The following ANAPC11 variants were observed in gnomAD, a reference collection of about 807,000 sequenced individuals.
ANAPC11 encodes anaphase promoting complex subunit 11, also known as anaphase-promoting complex subunit 11.
ANAPC11 carries 5 observed loss-of-function variants against 11.8 expected under a neutral mutation model. The observed-to-expected ratio is 0.42, with a 90% CI of 0.22 to 0.89. The LOEUF (loss-of-function observed/expected upper bound fraction) is 0.89, where lower values mean the gene tolerates loss of function less well. Among genes scored for constraint, ANAPC11 ranks in the 40% least tolerant of loss-of-function variants. ANAPC11 has a pLI of 0.28. For synonymous variants in ANAPC11, 45 were observed against 41.0 expected, an observed-to-expected ratio of 1.10 and a Z score of -0.38; for missense variants, 68 against 112.9, an observed-to-expected ratio of 0.60 and a Z score of 1.80.
chr17:81,891,325 T>G (rs1259868198), upstream of ANAPC11: 2 of 1,151,776 alleles, frequency 1.7e-6, no homozygotes, highest in East Asian at 4.8e-5. Context: ...GCACTCACCC[T>G]GCTGTAGGGC....
chr17:81,892,901 A>G (rs1598295776), intron 1 of ANAPC11, among the ~76,000 whole-genome samples: 2 of 152,182 alleles, frequency 1.3e-5, no homozygotes, highest in African/African-American at 4.8e-5. Context: ...TCCGTCACCC[A>G]GAGTGGAGTG....
intron 3 of ANAPC11, chr17:81,899,414 C>T (rs1262258359): frequency 3.7e-6 from 6 of 1,613,990 alleles, no homozygotes; most frequent in Non-Finnish European, 5.1e-6. Context: ...CCCCAGACCC[C>T]ACCCCTCCTG....
At chr17:81,898,039 G>C (rs1036903204) in intron 3 of ANAPC11, 1 of 152,208 alleles carries the variant, frequency 6.6e-6, no homozygotes, top group Non-Finnish European at 1.5e-5. Context: ...GGAAATTATT[G>C]ATTGACTCTA....
At chr17:81,899,289 C>T in intron 3 of ANAPC11, 1 of 1,613,012 alleles carries the variant, frequency 6.2e-7, no homozygotes, top group South Asian at 1.1e-5. Flanking sequence ...CTGGTGCCCG[C>T]AGCCTGTGCC....
At chr17:81,890,851 T>C, upstream of ANAPC11, 1 of 1,613,812 alleles carries the variant, frequency 6.2e-7, no homozygotes, top group Non-Finnish European at 8.5e-7. Flanking sequence ...AGAGCAGATC[T>C]GTGAGTCTCA....
chr17:81,894,654 C>A, intron 3 of ANAPC11, 68 bp downstream of exon 3: 1 of 1,012,340 alleles, frequency 9.9e-7, no homozygotes, highest in Non-Finnish European at 1.5e-6. Flanking sequence ...TGTCTGCTGC[C>A]TGCTGGACTA....
In ANAPC11 at chr17:81,895,452, T is replaced by A. The variant is rs575275715; in HGVS notation, c.109+866T>A. Among the ~76,000 whole-genome samples the A allele has an allele frequency of 1.4e-3, 213 of 152,354 alleles. 1 individual carries two copies. The highest frequency in any genetic ancestry group is 3.7e-3 in the South Asian group (18 of 4,830). On this transcript the variant is annotated intron_variant, in intron 3 of 3. Transcript: ENST00000344877. The stretch of plus-strand genomic sequence containing the variant: ...AGATCCTGTCACAGACTCCATAGGA[T>A]GAAACTCAGCTGTGAAATACGTGGG...
chr17:81,898,528 TAGTG>T (rs1410959207), intron 3 of ANAPC11: 2 of 152,230 alleles, frequency 1.3e-5, no homozygotes, highest in Admixed American at 6.5e-5. Flanking sequence ...GGTTAAGTCA[TAGTG>T]AGTCAGTGTT....
chr17:81,892,433 C>T (rs1049968409), intron 1 of ANAPC11, among the ~76,000 whole-genome samples: 7 of 151,706 alleles, frequency 4.6e-5, no homozygotes, highest in Non-Finnish European at 8.8e-5. Context: ...GGCACCACTG[C>T]ACTCCAGCCT....
chr17:81,891,599 C>A, upstream of ANAPC11: 2 of 1,394,026 alleles, frequency 1.4e-6, no homozygotes, highest in South Asian at 1.3e-5. Context: ...GCCCGCGCGT[C>A]AGCACGCCGG....
intron 3 of ANAPC11, among the ~76,000 whole-genome samples, chr17:81,896,001 A>C (rs1240330884): frequency 6.6e-6 from 1 of 151,980 alleles, no homozygotes; most frequent in Non-Finnish European, 1.5e-5. Context: ...TGAATGGCAT[A>C]GGCCAGGCGC....
intron 3 of ANAPC11, chr17:81,899,368 C>T (rs1161162068): frequency 6.2e-7 from 1 of 1,613,770 alleles, no homozygotes; most frequent in Non-Finnish European, 8.5e-7. Context: ...GGGCAGCACA[C>T]CGGATCCCTG....
intron 3 of ANAPC11, chr17:81,898,134 T>C (rs1265996227): frequency 6.6e-6 from 1 of 152,278 alleles, no homozygotes; most frequent in Non-Finnish European, 1.5e-5. Context: ...TTTAAATTGC[T>C]CTTAAGGATG....
chr17:81,891,637 C>T (rs1025145989), upstream of ANAPC11: 2 of 1,315,780 alleles, frequency 1.5e-6, no homozygotes, highest in Admixed American at 3.5e-5. Context: ...CGCGTGAGGC[C>T]TTCCGGTGCC....
intron 3 of ANAPC11, among the ~76,000 whole-genome samples, chr17:81,896,401 A>G (rs2039742915): frequency 6.6e-6 from 1 of 152,198 alleles, no homozygotes; most frequent in African/African-American, 2.4e-5. Flanking sequence ...CAGCCTGGGC[A>G]ACAAGAGTGA....
upstream of ANAPC11, chr17:81,891,080 G>A (rs2039515299): frequency 1.5e-6 from 1 of 668,288 alleles, no homozygotes; most frequent in Non-Finnish European, 2.4e-6. Flanking sequence ...CTGCCACGAG[G>A]CCCCAACGTC....
At chr17:81,899,152 G>A in intron 3 of ANAPC11, 1 of 1,347,914 alleles carries the variant, frequency 7.4e-7, no homozygotes, top group South Asian at 1.4e-5. Context: ...GTTGGCAGCA[G>A]CTGTTCCTCA....
Position 81,900,111 on chromosome 17 carries a change from T to C in ANAPC11, c.*46T>C. ...GGAGGGGCATCCTGAGACTCCTTCC[T>C]CATGCTGGCGCCGATGGCTGCTGGG... On this transcript the variant is annotated 3_prime_UTR_variant, in exon 4 of 4. Transcript: ENST00000344877. The C allele has an allele frequency of 6.2e-7, 1 of 1,608,658 alleles. No individual in the cohort carries two copies. Among genetic ancestry groups the C allele is most frequent in the Non-Finnish European group, 8.5e-7 (1 of 1,178,130 alleles).
intron 3 of ANAPC11, among the ~76,000 whole-genome samples, chr17:81,895,801 CTACTAAAAA>C (rs1555610254): frequency 6.6e-6 from 1 of 152,184 alleles, no homozygotes; most frequent in Non-Finnish European, 1.5e-5. Flanking sequence ...AACGCCATCT[CTACTAAAAA>C]TACAAAAATT....
Sources: allele counts gnomAD v4.1 joint callset (sites outside exome capture counted in the v4.1 genomes callset), GRCh38; gene constraint gnomAD v4.1.1; transcripts MANE v1.5; gene names NCBI Gene and HGNC (gene_info 2026-07-23, HGNC 2026-07-21).